The following CLEC16A variants were observed in gnomAD, a reference collection of about 807,000 sequenced individuals.
The protein encoded by CLEC16A is protein CLEC16A.
In CLEC16A, 51 loss-of-function variants were observed where a neutral mutation model predicts 109.5. The observed-to-expected ratio is 0.47, with a 90% CI of 0.37 to 0.59. The LOEUF (loss-of-function observed/expected upper bound fraction) is 0.59, where lower values mean the gene tolerates loss of function less well. CLEC16A is among the 20% of genes least tolerant of loss of function. The probability of loss-of-function intolerance (pLI) is 0.00; values close to 1 mark genes in which losing one functional copy is unlikely to be tolerated. For missense variants in CLEC16A, 1,339 were observed against 1,394.0 expected (o/e 0.96, Z 0.63); for synonymous variants, 673 against 564.2 (o/e 1.19, Z -2.73).
intron 4 of CLEC16A, 137 bp from the exon 5 acceptor site, chr16:10,970,987 CT>C: frequency 1.6e-6 from 1 of 622,930 alleles, no homozygotes; most frequent in Non-Finnish European, 2.8e-6. Flanking sequence ...GAACCACTGA[CT>C]TACGGTTCAC....
chr16:11,164,617 A>G (rs2054840116), intron 22 of CLEC16A, among the ~76,000 whole-genome samples: 1 of 152,234 alleles, frequency 6.6e-6, no homozygotes, highest in Non-Finnish European at 1.5e-5. Context: ...GCTTCTGTCC[A>G]GAGCCAGGTA....
At chr16:11,014,866 T>C (rs1291214935) in intron 11 of CLEC16A, among the ~76,000 whole-genome samples, 1 of 152,204 alleles carries the variant, frequency 6.6e-6, no homozygotes, top group Non-Finnish European at 1.5e-5. Flanking sequence ...CCGTGCCAAC[T>C]TCAGGTGTAG....
chr16:10,972,504 T>G, intron 5 of CLEC16A, 50 bp from the exon 6 acceptor site: 1 of 1,592,970 alleles, frequency 6.3e-7, no homozygotes. Flanking sequence ...TTAACTGTTG[T>G]CTGTTTTTTG....
rs578101274 is a variant in CLEC16A, at chr16:11,154,398, A to G, written c.2642-11990A>G. The stretch of plus-strand genomic sequence containing the variant: ...TGTAACATGAGGTTTTTAAGAATCT[A>G]GATGAAAATAACTTCATTTTTCTCG... On this transcript the variant is annotated intron_variant, in intron 22 of 23. Coordinates refer to ENST00000409790, the MANE Select transcript of CLEC16A (RefSeq NM_015226.3). 2.0e-5 allele frequency among the ~76,000 whole-genome samples: 3 copies of G among 152,370 alleles called. No individual in the cohort carries two copies. The South Asian group carries it at 6.2e-4, about 32-fold the overall frequency.
chr16:11,077,964 CGTGTGTGTGTGTGTGTGT>C (rs34576806), intron 19 of CLEC16A, among the ~76,000 whole-genome samples: 3,142 of 135,616 alleles, frequency 0.023, 42 homozygotes, highest in Non-Finnish European at 0.033. Flanking sequence ...CAAAAAAAAA[CGTGTGTGTGTGTGTGTGT>C]GTGTGTGTGT....
intron 19 of CLEC16A, among the ~76,000 whole-genome samples, chr16:11,099,089 C>A (rs370867570): frequency 7.1e-6 from 1 of 140,842 alleles, no homozygotes; most frequent in Non-Finnish European, 1.5e-5. Flanking sequence ...GGAGTCATAA[C>A]CCCCAGGCTG....
chr16:11,135,727 G>T (rs1395308662), intron 22 of CLEC16A, among the ~76,000 whole-genome samples: 2 of 152,248 alleles, frequency 1.3e-5, no homozygotes, highest in African/African-American at 4.8e-5. Flanking sequence ...ATTTGACCTG[G>T]GCCATGCCTT....
intron 19 of CLEC16A, among the ~76,000 whole-genome samples, chr16:11,114,796 C>A (rs947425334): frequency 2.0e-5 from 3 of 152,172 alleles, no homozygotes; most frequent in Admixed American, 6.5e-5. Context: ...CCAAAACCCG[C>A]AATTCCTTGA....
intron 11 of CLEC16A, among the ~76,000 whole-genome samples, chr16:11,016,584 C>G (rs1435896198): frequency 6.6e-6 from 1 of 152,136 alleles, no homozygotes; most frequent in Non-Finnish European, 1.5e-5. Context: ...GATCCTCTTG[C>G]CTCAGCCTCC....
intron 1 of CLEC16A, among the ~76,000 whole-genome samples, chr16:10,951,559 C>T (rs1243953642): frequency 2.6e-5 from 4 of 152,166 alleles, no homozygotes; most frequent in Admixed American, 2.6e-4. Context: ...CTGTGCTGCA[C>T]CAGGGCCCTG....
chr16:11,129,304 C>G (rs976792890), intron 22 of CLEC16A, among the ~76,000 whole-genome samples: 2 of 152,186 alleles, frequency 1.3e-5, no homozygotes, highest in African/African-American at 4.8e-5. Context: ...TGCATATATG[C>G]ATAACTAACA....
At chr16:10,966,186 A>G (rs2042494614) in intron 3 of CLEC16A, among the ~76,000 whole-genome samples, 1 of 152,240 alleles carries the variant, frequency 6.6e-6, no homozygotes, top group Non-Finnish European at 1.5e-5. Context: ...AGAATGTACT[A>G]CTATATAGCA....
At chr16:11,031,211 G>A (rs1260174953) in intron 13 of CLEC16A, among the ~76,000 whole-genome samples, 2 of 152,196 alleles carry the variant, frequency 1.3e-5, no homozygotes, top group African/African-American at 4.8e-5. Flanking sequence ...TCAGCTATGT[G>A]GCACGTCCCC....
chr16:11,005,105 C>G (rs2044916145), intron 11 of CLEC16A, among the ~76,000 whole-genome samples: 1 of 152,212 alleles, frequency 6.6e-6, no homozygotes, highest in African/African-American at 2.4e-5. Flanking sequence ...CTACCTCTTT[C>G]ATTCCAGTCC....
chr16:11,140,250 C>A (rs1287727633), intron 22 of CLEC16A, among the ~76,000 whole-genome samples: 1 of 152,230 alleles, frequency 6.6e-6, no homozygotes, highest in Non-Finnish European at 1.5e-5. Context: ...TCCAGGCACA[C>A]TCCAGCCTCC....
intron 11 of CLEC16A, among the ~76,000 whole-genome samples, chr16:11,005,960 G>T (rs1317304080): frequency 6.9e-6 from 1 of 143,996 alleles, no homozygotes; most frequent in Non-Finnish European, 1.6e-5. Context: ...TAATTCACAT[G>T]ATGACTTTTT....
At chr16:11,046,550 A>G (rs891216208) in intron 16 of CLEC16A, among the ~76,000 whole-genome samples, 1 of 152,158 alleles carries the variant, frequency 6.6e-6, no homozygotes, top group African/African-American at 2.4e-5. Context: ...AGTAGAGATT[A>G]CCATGACAGT....
At chr16:11,107,184 C>T (rs529716929) in intron 19 of CLEC16A, among the ~76,000 whole-genome samples, 4 of 152,254 alleles carry the variant, frequency 2.6e-5, no homozygotes, top group African/African-American at 4.8e-5. Context: ...TCAACAAATA[C>T]CCCATTATCT....
intron 19 of CLEC16A, among the ~76,000 whole-genome samples, chr16:11,114,523 T>A (rs1247807666): frequency 6.6e-6 from 1 of 152,106 alleles, no homozygotes; most frequent in Non-Finnish European, 1.5e-5. Context: ...CTTCCCATGG[T>A]ACCTTAGCAC....
Sources: allele counts gnomAD v4.1 joint callset (sites outside exome capture counted in the v4.1 genomes callset), GRCh38; gene constraint gnomAD v4.1.1; transcripts MANE v1.5; gene names NCBI Gene and HGNC (gene_info 2026-07-23, HGNC 2026-07-21).